Variants in TENM2 observed in about 807,000 individuals in gnomAD.
TENM2 encodes teneurin transmembrane protein 2, also known as teneurin-2.
In TENM2, 52 loss-of-function variants were observed where a neutral mutation model predicts 245.2. That is an observed-to-expected ratio of 0.21 (90% CI 0.17 to 0.27). The LOEUF is 0.27. TENM2 is among the 10% of genes least tolerant of loss of function. The pLI, the probability that TENM2 is intolerant of heterozygous loss-of-function variation, is 1.00. For synonymous variants in TENM2, 1,363 were observed against 1,438.9 expected (o/e 0.95, Z 1.19); for missense variants, 3,046 against 3,666.8 (o/e 0.83, Z 4.37).
At chr5:167,781,245 A>G (rs1395510273) in intron 2 of TENM2, among the ~76,000 whole-genome samples, 1 of 152,186 alleles carries the variant, frequency 6.6e-6, no homozygotes, top group African/African-American at 2.4e-5. Context: ...TGGGTGGTCA[A>G]ATTTGCAGGA....
chr5:167,264,231 T>C, the TENM2 span, among the ~76,000 whole-genome samples: 1 of 152,076 alleles, frequency 6.6e-6, no homozygotes, highest in Non-Finnish European at 1.5e-5. Context: ...CTATTCTACA[T>C]GTTGTTATTT....
At chr5:167,221,639 G>T in the TENM2 span, among the ~76,000 whole-genome samples, 1 of 152,170 alleles carries the variant, frequency 6.6e-6, no homozygotes, top group African/African-American at 2.4e-5. Context: ...ACATTCACAT[G>T]TTTAATTTTA....
At chr5:167,435,975 C>CTTTTT (rs71591181) in intron 2 of TENM2, among the ~76,000 whole-genome samples, 17 of 83,166 alleles carry the variant, frequency 2.0e-4, no homozygotes, top group Admixed American at 1.7e-3. Context: ...CTTTTTTTTT[C>CTTTTT]TTTTTTTTTT....
chr5:168,156,251 A>AAAAAAAAAAC (rs1757154557), intron 12 of TENM2, among the ~76,000 whole-genome samples: 2 of 149,180 alleles, frequency 1.3e-5, no homozygotes, highest in African/African-American at 5.0e-5. Flanking sequence ...CATAGTTAAA[A>AAAAAAAAAAC]AAAAAAAAAA....
the TENM2 span, among the ~76,000 whole-genome samples, chr5:167,143,754 G>C: frequency 1.3e-5 from 2 of 152,134 alleles, no homozygotes; most frequent in African/African-American, 4.8e-5. Context: ...TAACTAAGCC[G>C]ATTCTTACAA....
At chr5:167,837,734 G>T (rs1011423747) in intron 2 of TENM2, among the ~76,000 whole-genome samples, 2 of 151,658 alleles carry the variant, frequency 1.3e-5, no homozygotes, top group Admixed American at 6.6e-5. Flanking sequence ...TACCAAGTAG[G>T]TGTTCAGTGC....
chr5:167,638,678 G>A (rs1422829875), intron 2 of TENM2, among the ~76,000 whole-genome samples: 1 of 152,170 alleles, frequency 6.6e-6, no homozygotes, highest in East Asian at 1.9e-4. Flanking sequence ...GCTTTCAAAT[G>A]AATACATCAG....
chr5:167,010,123 T>G, the TENM2 span, among the ~76,000 whole-genome samples: 1 of 152,224 alleles, frequency 6.6e-6, no homozygotes, highest in South Asian at 2.1e-4. Context: ...GGCTCACACC[T>G]GTAATCCCAG....
At chr5:167,300,965 C>T (rs1755275767) in intron 1 of TENM2, among the ~76,000 whole-genome samples, 1 of 152,070 alleles carries the variant, frequency 6.6e-6, no homozygotes, top group African/African-American at 2.4e-5. Context: ...GGTTTAGAAG[C>T]CTGGCCGTCA....
At chr5:167,920,777 T>C (rs1777311469) in intron 3 of TENM2, among the ~76,000 whole-genome samples, 1 of 152,134 alleles carries the variant, frequency 6.6e-6, no homozygotes, top group African/African-American at 2.4e-5. Flanking sequence ...TTTAGTGCCA[T>C]TCATAACATG....
chr5:167,468,584 G>A (rs979769383), intron 2 of TENM2, among the ~76,000 whole-genome samples: 2 of 152,138 alleles, frequency 1.3e-5, no homozygotes, highest in African/African-American at 4.8e-5. Context: ...TTAGAAAGGG[G>A]AAACCAAAAA....
chr5:168,161,844 A>ACACACAC (rs56983935), intron 12 of TENM2, among the ~76,000 whole-genome samples: 1 of 151,100 alleles, frequency 6.6e-6, no homozygotes, highest in African/African-American at 2.4e-5. Context: ...ACACACACAC[A>ACACACAC]TCAATAAAGG....
intron 3 of TENM2, among the ~76,000 whole-genome samples, chr5:167,878,424 G>A (rs924552062): frequency 2.0e-5 from 3 of 152,132 alleles, no homozygotes; most frequent in Non-Finnish European, 4.4e-5. Context: ...GGGAGTGAAG[G>A]CCCAATTGTG....
intron 2 of TENM2, among the ~76,000 whole-genome samples, chr5:167,851,151 G>A (rs1561854056): frequency 6.6e-6 from 1 of 152,058 alleles, no homozygotes; most frequent in Admixed American, 6.6e-5. Context: ...TGGAGTAAGT[G>A]GAAGCTTAAC....
At chr5:168,226,159 T>C in exon 24 of TENM2, 1 of 1,613,610 alleles carries the variant, frequency 6.2e-7, no homozygotes, top group Non-Finnish European at 8.5e-7. Context: ...CACCGGGAAA[T>C]GGAGAAATCT....
chr5:167,407,780 G>A (rs912209798), intron 2 of TENM2, among the ~76,000 whole-genome samples: 2 of 152,270 alleles, frequency 1.3e-5, no homozygotes, highest in Non-Finnish European at 2.9e-5. Context: ...TCATGCCAGT[G>A]TACTCCAGCC....
intron 2 of TENM2, among the ~76,000 whole-genome samples, chr5:167,746,812 G>GTGTGTGTGTGCGTCTA (rs747853896): frequency 3.1e-4 from 47 of 152,106 alleles, no homozygotes; most frequent in Middle Eastern, 3.4e-3. Flanking sequence ...CTGCAGATAT[G>GTGTGTGTGTGCGTCTA]TGTGTGTGTG....
chr5:168,161,615 C>G (rs1757746533), intron 12 of TENM2, among the ~76,000 whole-genome samples: 1 of 152,120 alleles, frequency 6.6e-6, no homozygotes, highest in South Asian at 2.1e-4. Context: ...TCTCTCCTAC[C>G]TGTTATAAAG....
intron 5 of TENM2, among the ~76,000 whole-genome samples, chr5:168,038,510 T>A (rs1787901910): frequency 6.6e-6 from 1 of 152,208 alleles, no homozygotes; most frequent in Non-Finnish European, 1.5e-5. Flanking sequence ...GGAATCATAG[T>A]TCTTACCTCT....
Sources: gnomAD v4.1 joint callset for allele counts (sites outside exome capture counted in the v4.1 genomes callset) on GRCh38, gnomAD v4.1.1 for gene constraint, MANE v1.5 for transcripts, NCBI Gene and HGNC (gene_info 2026-07-23, HGNC 2026-07-21) for gene names.